Variants in ARMC9 observed in about 807,000 individuals in gnomAD.
ARMC9 encodes the protein lisH domain-containing protein ARMC9.
In ARMC9, 94 loss-of-function variants were observed where a neutral mutation model predicts 107.0. That is an observed-to-expected ratio of 0.88 (90% CI 0.74 to 1.04). The LOEUF (loss-of-function observed/expected upper bound fraction) is 1.04. Among genes scored for constraint, ARMC9 ranks in the 50% least tolerant of loss-of-function variants. The pLI is 0.00. For missense variants in ARMC9, 942 were observed against 1,030.1 expected (o/e 0.91, Z 1.17); for synonymous variants, 380 against 396.9 (o/e 0.96, Z 0.51).
chr2:231,305,710 G>A (rs539754663), intron 19 of ARMC9, among the ~76,000 whole-genome samples: 2 of 152,206 alleles, frequency 1.3e-5, no homozygotes, highest in Admixed American at 6.5e-5. Context: ...TTTACTGGCC[G>A]TGTTTTAAAA....
At chr2:231,304,433 C>T (rs1033069672) in intron 19 of ARMC9, among the ~76,000 whole-genome samples, 5 of 152,184 alleles carry the variant, frequency 3.3e-5, no homozygotes, top group African/African-American at 4.8e-5. Flanking sequence ...CTCACTCTAT[C>T]GCCCAGGCTG....
Position 231,372,393 on chromosome 2 carries a change from G to C in ARMC9, c.*858G>C, listed in dbSNP as rs1170649120. On this transcript the variant is annotated 3_prime_UTR_variant, in exon 25 of 25. Coordinates refer to ENST00000611582, the MANE Select transcript of ARMC9 (RefSeq NM_001352754.2). ...CCAAAAAAAAAATTCTGAGAATATG[G>C]TGTGTTCCAGCCTCTTCAAAGCTCT... 6.6e-6 allele frequency: 1 copy of C among 152,190 alleles called. No homozygotes were observed. Among genetic ancestry groups the C allele is most frequent in the African/African-American group, 2.4e-5 (1 of 41,422 alleles). The allele number at this position is 152,190 out of a possible 1,614,324, so 9.4% of individuals were successfully genotyped here.
chr2:231,285,532 G>A (rs561480701), intron 17 of ARMC9, among the ~76,000 whole-genome samples: 2 of 151,466 alleles, frequency 1.3e-5, no homozygotes, highest in East Asian at 1.9e-4. Flanking sequence ...GATAATCCCA[G>A]CTACTCGGGA....
At chr2:231,217,982 C>T (rs535132012) in intron 5 of ARMC9, among the ~76,000 whole-genome samples, 107 of 138,408 alleles carry the variant, frequency 7.7e-4, no homozygotes, top group East Asian at 4.5e-3. Flanking sequence ...CGTGAGCCAC[C>T]GCGCCTTGTT....
intron 19 of ARMC9, among the ~76,000 whole-genome samples, chr2:231,321,074 T>C (rs766200039): frequency 6.6e-6 from 1 of 152,212 alleles, no homozygotes; most frequent in Non-Finnish European, 1.5e-5. Flanking sequence ...GCCTCAGTGT[T>C]CTCATCTGTA....
At chr2:231,275,435 C>T (rs1011603887) in intron 14 of ARMC9, among the ~76,000 whole-genome samples, 3 of 152,202 alleles carry the variant, frequency 2.0e-5, no homozygotes, top group African/African-American at 7.2e-5. Flanking sequence ...ATGACATTCA[C>T]CATCACACAT....
chr2:231,291,925 T>C (rs985120025), intron 18 of ARMC9, among the ~76,000 whole-genome samples: 16 of 151,502 alleles, frequency 1.1e-4, no homozygotes, highest in Non-Finnish European at 2.2e-4. Context: ...TCCCAGCACT[T>C]TGAGAGGCCG....
At chr2:231,334,670 G>A (rs1163908470) in intron 20 of ARMC9, among the ~76,000 whole-genome samples, 1 of 152,146 alleles carries the variant, frequency 6.6e-6, no homozygotes, top group South Asian at 2.1e-4. Context: ...ACGTGGAGCA[G>A]TAAGCGCTGA....
intron 18 of ARMC9, among the ~76,000 whole-genome samples, chr2:231,293,193 A>T (rs1305974087): frequency 1.3e-5 from 2 of 152,162 alleles, no homozygotes; most frequent in Non-Finnish European, 2.9e-5. Flanking sequence ...AAAAATTAGA[A>T]CTTTATTTTT....
rs139784719 is a variant in ARMC9 at position 231,213,746 on chromosome 2, A to C, written c.178-1085A>C. Reference sequence around the variant, plus strand: ...TGCCTTGGCCTCCCGAAGTGCTGGGATTACAGGTGTGAGCCATCTCACCCA... The same window carrying C: ...TGCCTTGGCCTCCCGAAGTGCTGGGCTTACAGGTGTGAGCCATCTCACCCA... On this transcript the variant is annotated intron_variant, in intron 3 of 24. Coordinates refer to ENST00000611582, the MANE Select transcript of ARMC9 (RefSeq NM_001352754.2). Among the ~76,000 whole-genome samples, 240 of 152,272 alleles carry C rather than the reference A, an allele frequency of 1.6e-3. 6 individuals are homozygous for C. In the East Asian group the frequency reaches 0.042, roughly 26 times the overall value.
intron 12 of ARMC9, chr2:231,270,694 C>T (rs753730358): frequency 1.2e-5 from 7 of 565,026 alleles, no homozygotes; most frequent in South Asian, 3.1e-5. Flanking sequence ...GGAAAACAGC[C>T]GCAACGGTAA....
At chr2:231,313,107 A>G (rs1411715677) in intron 19 of ARMC9, among the ~76,000 whole-genome samples, 2 of 152,118 alleles carry the variant, frequency 1.3e-5, no homozygotes, top group African/African-American at 4.8e-5. Flanking sequence ...GAATTTGCCT[A>G]TTTTCCCTTT....
Position 231,350,128 on chromosome 2 carries a change from C to T in ARMC9, c.1994+5038C>T, listed in dbSNP as rs970547757. Among the ~76,000 whole-genome samples the T allele has an allele frequency of 2.6e-5, 4 of 152,082 alleles. No homozygotes were observed. In the East Asian group the frequency reaches 7.8e-4, roughly 30 times the overall value. On this transcript the variant is annotated intron_variant, in intron 21 of 24. Coordinates refer to ENST00000611582, the MANE Select transcript of ARMC9 (RefSeq NM_001352754.2). ...GCAAGCTCCGCCTCCCAGGTTCAAG[C>T]GATTCTCCTGCCTCAGCCTCCCAAG...
rs183152455 is a variant in ARMC9, at chr2:231,372,130, G to C, written c.*595G>C. The C allele has an allele frequency of 2.6e-5, 4 of 152,480 alleles. No individual in the cohort carries two copies. Among genetic ancestry groups the C allele is most frequent in the East Asian group, 1.9e-4 (1 of 5,194 alleles). 9.4% of individuals were successfully genotyped at this position (152,480 alleles called of 1,614,324 possible). A position where few individuals can be genotyped will look rare whatever the true frequency, so the allele number is the denominator to read the frequency against. ...GCCTGTAATTCCAGGACTTTGGAAG[G>C]CTGAGGCGGGCAGATCACGAGGTCA... On this transcript the variant is annotated 3_prime_UTR_variant, in exon 25 of 25. Transcript: ENST00000611582.
intron 7 of ARMC9, among the ~76,000 whole-genome samples, chr2:231,231,249 G>A (rs2035186244): frequency 2.0e-5 from 3 of 152,160 alleles, no homozygotes; most frequent in Admixed American, 2.0e-4. Context: ...CTTGGTCCGT[G>A]TTGAGAAAGT....
At chr2:231,253,503 T>A (rs1021768761) in intron 9 of ARMC9, among the ~76,000 whole-genome samples, 6 of 152,076 alleles carry the variant, frequency 3.9e-5, no homozygotes, top group Non-Finnish European at 7.4e-5. Flanking sequence ...GCTGAGGTCA[T>A]GCCACTGTAC....
intron 20 of ARMC9, among the ~76,000 whole-genome samples, chr2:231,334,588 C>G (rs369985280): frequency 9.5e-4 from 145 of 152,314 alleles, no homozygotes; most frequent in African/African-American, 3.4e-3. Context: ...GGCATAGCTT[C>G]TGGGGGCCAC....
In ARMC9 at chr2:231,358,536, G is replaced by T. The variant is rs144693660; in HGVS notation, c.2132-2218G>T. ...CTCACCTTGCCCCAGGCCCATCCTG[G>T]CCCCAGGCAGCGCTCCCCACAGGTC... On this transcript the variant is annotated intron_variant, in intron 22 of 24. Transcript: ENST00000611582. This position sits in a 1 kb window ranked among gnomAD's most constrained non-coding sequence, Gnocchi z 4.5. Among the ~76,000 whole-genome samples the T allele has an allele frequency of 3.9e-3, 595 of 152,240 alleles. 1 individual carries two copies. Among genetic ancestry groups the T allele is most frequent in the African/African-American group, 0.012 (504 of 41,530 alleles).
At chr2:231,350,622 CAAAA>C (rs111301618) in intron 21 of ARMC9, among the ~76,000 whole-genome samples, 2 of 97,420 alleles carry the variant, frequency 2.1e-5, no homozygotes, top group Admixed American at 1.0e-4. Context: ...ACCCTTGTCT[CAAAA>C]AAAAAAAAAG....
Sources: allele counts gnomAD v4.1 joint callset (sites outside exome capture counted in the v4.1 genomes callset), GRCh38; gene constraint gnomAD v4.1.1; non-coding constraint Gnocchi (gnomAD v3.1); transcripts MANE v1.5; gene names NCBI Gene and HGNC (gene_info 2026-07-23, HGNC 2026-07-21).